Variants in GRID1 observed in about 807,000 individuals in gnomAD.
The protein encoded by GRID1 is glutamate receptor ionotropic, delta-1.
In GRID1, 28 loss-of-function variants were observed where a neutral mutation model predicts 98.0. The ratio of observed to expected loss-of-function variants is 0.29; its 90% CI spans 0.21 to 0.39. The LOEUF is 0.39. Ranked by LOEUF, GRID1 falls within the 10% of genes least tolerant of loss-of-function variation. The pLI is 1.00. For synonymous variants in GRID1, 553 were observed against 538.5 expected, an observed-to-expected ratio of 1.03 and a Z score of -0.37; for missense variants, 1,111 against 1,340.5, an observed-to-expected ratio of 0.83 and a Z score of 2.67.
intron 8 of GRID1, among the ~76,000 whole-genome samples, chr10:85,755,827 C>A (rs983451632): frequency 6.6e-6 from 1 of 152,160 alleles, no homozygotes; most frequent in Non-Finnish European, 1.5e-5. Flanking sequence ...GGCCTCTCCC[C>A]TGACCCCTGA....
rs139303898 is a variant in GRID1, at chr10:86,059,188, G to A, written c.726+79631C>T. 8.3e-3 allele frequency among the ~76,000 whole-genome samples: 1,264 copies of A among 152,302 alleles called. 19 individuals carry two copies. The highest frequency in any genetic ancestry group is 0.029 in the African/African-American group (1,204 of 41,574). On this transcript the variant is annotated intron_variant, in intron 4 of 15. Coordinates refer to ENST00000327946, the MANE Select transcript of GRID1 (RefSeq NM_017551.3). ...CAAGGCAGGCAAAGGGAGCAGGTGC[G>A]GCTGGTCCACAAGCGTTCTGAGTCT...
chr10:85,684,954 T>C (rs1236398077), intron 12 of GRID1, among the ~76,000 whole-genome samples: 1 of 152,196 alleles, frequency 6.6e-6, no homozygotes, highest in Admixed American at 6.5e-5. Context: ...TTAATCTCAA[T>C]TACTTCCTAA....
intron 8 of GRID1, among the ~76,000 whole-genome samples, chr10:85,808,162 G>A (rs917721342): frequency 9.2e-5 from 14 of 152,142 alleles, no homozygotes; most frequent in African/African-American, 3.1e-4. Flanking sequence ...CAATTACAAG[G>A]TTACTCCTGC....
chr10:85,975,957 G>A (rs1468925938), intron 4 of GRID1, among the ~76,000 whole-genome samples: 1 of 152,076 alleles, frequency 6.6e-6, no homozygotes, highest in Non-Finnish European at 1.5e-5. Flanking sequence ...TGCCATCTGT[G>A]AGAACACCAG....
At chr10:85,763,396 C>T (rs979649325) in intron 8 of GRID1, among the ~76,000 whole-genome samples, 3 of 152,132 alleles carry the variant, frequency 2.0e-5, no homozygotes, top group African/African-American at 7.2e-5. Context: ...TTCCTCTCAC[C>T]AAAGCCCCTG....
chr10:85,602,518 T>G lies in GRID1; in HGVS notation c.2785A>C (p.Thr929Pro), dbSNP rs1205694614. 6.2e-7 allele frequency: 1 copy of G among 1,613,808 alleles called. No homozygotes were observed. The highest frequency in any genetic ancestry group is 8.5e-7 in the Non-Finnish European group (1 of 1,180,006). The part of the protein sequence containing the change: ...EYQNTQLSVS[T>P]FLPEQSSHGT... ...TGGCTGCTCTGCTCTGGCAGAAAGGTGCTGACCGAGAGCTGGGTGTTCTGG... is the reference window on the plus strand; with the variant it reads ...TGGCTGCTCTGCTCTGGCAGAAAGGGGCTGACCGAGAGCTGGGTGTTCTGG... The change falls in exon 16 of 16, where the codon ACC becomes CCC. Residue 929 changes from threonine (T) to proline (P), a missense_variant. Physicochemically the swap from Thr to Pro is conservative, Grantham distance 38 (BLOSUM62 -1). Transcript: ENST00000327946.
intron 4 of GRID1, among the ~76,000 whole-genome samples, chr10:86,035,719 A>G (rs762284331): frequency 3.3e-5 from 5 of 152,220 alleles, no homozygotes; most frequent in Non-Finnish European, 4.4e-5. Flanking sequence ...ATAGTCCAGG[A>G]GGGAGACAGA....
At chr10:86,300,847 G>C (rs1272286268) in intron 2 of GRID1, among the ~76,000 whole-genome samples, 1 of 152,144 alleles carries the variant, frequency 6.6e-6, no homozygotes, top group Non-Finnish European at 1.5e-5. Context: ...CTAGAGTCCA[G>C]GGTGCAGTCC....
chr10:86,069,855 A>C, intron 4 of GRID1, among the ~76,000 whole-genome samples: 1 of 151,980 alleles, frequency 6.6e-6, no homozygotes, highest in East Asian at 1.9e-4. Context: ...GTAGATAAAA[A>C]TCATTCCTGG....
intron 4 of GRID1, among the ~76,000 whole-genome samples, chr10:86,072,614 G>A (rs968584601): frequency 6.6e-6 from 1 of 152,170 alleles, no homozygotes; most frequent in African/African-American, 2.4e-5. Flanking sequence ...TTAGTAAGGA[G>A]AAAATAATTA....
chr10:86,259,833 T>C (rs191198009), intron 2 of GRID1, among the ~76,000 whole-genome samples: 10 of 152,194 alleles, frequency 6.6e-5, no homozygotes, highest in South Asian at 4.1e-4. Context: ...AGGCTCCAAA[T>C]AGTGATCAAG....
chr10:86,180,231 T>C (rs959784616), intron 3 of GRID1, among the ~76,000 whole-genome samples: 4 of 152,132 alleles, frequency 2.6e-5, no homozygotes, highest in Admixed American at 6.5e-5. Context: ...GTGGGCACCA[T>C]GCCTGGGGCC....
At chr10:85,767,730 G>A (rs865996428) in intron 8 of GRID1, among the ~76,000 whole-genome samples, 2 of 152,138 alleles carry the variant, frequency 1.3e-5, no homozygotes, top group African/African-American at 4.8e-5. Context: ...CTGACTTCAT[G>A]CACACACTTC....
At chr10:85,893,378 T>C (rs536862803) in intron 5 of GRID1, among the ~76,000 whole-genome samples, 2 of 152,218 alleles carry the variant, frequency 1.3e-5, no homozygotes, top group South Asian at 2.1e-4. Flanking sequence ...GAGGTTCTAG[T>C]CAGGGCACCA....
At chr10:86,364,772 A>T (rs935206441) in intron 1 of GRID1, among the ~76,000 whole-genome samples, 2 of 152,128 alleles carry the variant, frequency 1.3e-5, no homozygotes, top group Non-Finnish European at 2.9e-5. Context: ...GGGGAAGGGG[A>T]CTTGTGTCCT....
intron 6 of GRID1, among the ~76,000 whole-genome samples, chr10:85,867,921 G>C (rs1454986446): frequency 6.6e-6 from 1 of 152,164 alleles, no homozygotes; most frequent in Admixed American, 6.5e-5. Flanking sequence ...TGAGATTATA[G>C]AGTAGATTCA....
chr10:86,355,472 A>G (rs1369973639), intron 2 of GRID1, among the ~76,000 whole-genome samples: 2 of 152,216 alleles, frequency 1.3e-5, no homozygotes, highest in Non-Finnish European at 2.9e-5. Context: ...ACCTGGGTGG[A>G]GGAGAAGGGG....
chr10:85,729,955 C>T (rs1380223133), intron 8 of GRID1, among the ~76,000 whole-genome samples: 1 of 152,244 alleles, frequency 6.6e-6, no homozygotes, highest in Non-Finnish European at 1.5e-5. Flanking sequence ...AAAATACCCT[C>T]TTTCTTTAAT....
At chr10:85,705,764 C>T (rs1564565594) in intron 12 of GRID1, among the ~76,000 whole-genome samples, 1 of 152,108 alleles carries the variant, frequency 6.6e-6, no homozygotes, top group African/African-American at 2.4e-5. Flanking sequence ...CCACCATGAG[C>T]CACCACTTGG....
Sources: gnomAD v4.1 joint callset for allele counts (sites outside exome capture counted in the v4.1 genomes callset) on GRCh38, gnomAD v4.1.1 for gene constraint, MANE v1.5 for transcripts, NCBI Gene and HGNC (gene_info 2026-07-23, HGNC 2026-07-21) for gene names.